Variants in ANK2 observed in about 807,000 individuals in gnomAD.
ANK2 encodes ankyrin-2.
Under a neutral mutation model 360.5 loss-of-function variants are expected in ANK2, and 83 were observed. The ratio of observed to expected loss-of-function variants is 0.23; its 90% CI spans 0.19 to 0.28. ANK2 has a LOEUF of 0.28. Among genes scored for constraint, ANK2 ranks in the 10% least tolerant of loss-of-function variants. The pLI is 1.00. For missense variants in ANK2, 4,201 were observed against 4,795.7 expected, an observed-to-expected ratio of 0.88 and a Z score of 3.66; for synonymous variants, 1,740 against 1,759.5, an observed-to-expected ratio of 0.99 and a Z score of 0.28.
chr4:113,021,628 C>T (rs2058216526), intron 2 of ANK2, among the ~76,000 whole-genome samples: 1 of 146,370 alleles, frequency 6.8e-6, no homozygotes, highest in Non-Finnish European at 1.5e-5. Context: ...CCGACACTGT[C>T]TTTATAAGGA....
chr4:112,885,222 C>T (rs546942368), intron 1 of ANK2, among the ~76,000 whole-genome samples: 10 of 152,234 alleles, frequency 6.6e-5, no homozygotes, highest in East Asian at 1.9e-4. Flanking sequence ...TAAGCAGGGC[C>T]GGGCGTGGTG....
chr4:113,115,419 C>T (rs566708360), intron 1 of ANK2, among the ~76,000 whole-genome samples: 1 of 152,252 alleles, frequency 6.6e-6, no homozygotes, highest in South Asian at 2.1e-4. Context: ...TCCCTTCTCT[C>T]CCTTCCTCTA....
intron 1 of ANK2, among the ~76,000 whole-genome samples, chr4:112,845,383 A>G (rs1463666797): frequency 1.3e-5 from 2 of 151,050 alleles, no homozygotes; most frequent in Non-Finnish European, 2.9e-5. Flanking sequence ...AGGACTAGTT[A>G]TTAAACAACA....
chr4:113,373,047 T>C (rs770794500), intron 43 of ANK2, 43 bp from the exon 44 acceptor site: 1 of 1,515,608 alleles, frequency 6.6e-7, no homozygotes, highest in South Asian at 1.1e-5. Context: ...TCCTCAGAAT[T>C]GGTGCCAAAC....
the ANK2 span, among the ~76,000 whole-genome samples, chr4:112,732,359 A>G: frequency 1.5e-5 from 1 of 67,654 alleles, no homozygotes; most frequent in African/African-American, 8.0e-5. Flanking sequence ...ACTGGGCCCA[A>G]CCAATCCTGT....
chr4:112,828,383 C>T (rs1176962790), intron 1 of ANK2, among the ~76,000 whole-genome samples: 1 of 151,878 alleles, frequency 6.6e-6, no homozygotes, highest in Non-Finnish European at 1.5e-5. Context: ...AAAAGTACCC[C>T]CCACCACGTC....
chr4:113,176,042 G>T (rs958107670), intron 2 of ANK2, among the ~76,000 whole-genome samples: 2 of 152,202 alleles, frequency 1.3e-5, no homozygotes, highest in African/African-American at 4.8e-5. Flanking sequence ...GAGGGATTAG[G>T]CGATATCTCC....
chr4:113,381,770 G>C lies in ANK2; in HGVS notation c.*299G>C. The stretch of plus-strand genomic sequence containing the variant: ...ACATTTCCACTGTTAGCAAATATAC[G>C]GCATTTTGCTTTAGTTTTCCCCCAT... On this transcript the variant is annotated 3_prime_UTR_variant, in exon 46 of 46. Transcript: ENST00000357077. 1 of 1,002,314 alleles carries C rather than the reference G, an allele frequency of 1.0e-6. No individual in the cohort carries two copies. Among genetic ancestry groups the C allele is most frequent in the African/African-American group, 1.6e-5 (1 of 61,888 alleles). 62.1% of individuals were successfully genotyped at this position (1,002,314 alleles called of 1,614,324 possible).
the ANK2 span, among the ~76,000 whole-genome samples, chr4:112,713,732 C>A: frequency 6.6e-6 from 1 of 151,812 alleles, no homozygotes; most frequent in East Asian, 2.0e-4. Flanking sequence ...GAGATCGAGA[C>A]CATCCTGGCT....
intron 2 of ANK2, among the ~76,000 whole-genome samples, chr4:112,942,124 T>A (rs1384191068): frequency 6.6e-6 from 1 of 152,072 alleles, no homozygotes; most frequent in East Asian, 1.9e-4. Context: ...AAATATATTA[T>A]CTACTTCTAG....
At chr4:113,027,098 T>C (rs569990445) in intron 2 of ANK2, among the ~76,000 whole-genome samples, 1 of 152,264 alleles carries the variant, frequency 6.6e-6, no homozygotes, top group East Asian at 1.9e-4. Context: ...AGTTGGATGG[T>C]GATACATCCT....
rs1354567903 is a variant in ANK2 at position 112,847,360 on chromosome 4, A to G, written c.-40+29096A>G. Among the ~76,000 whole-genome samples the G allele has an allele frequency of 2.0e-5, 3 of 152,276 alleles. No homozygotes were observed. The East Asian group carries it at 5.8e-4, about 29-fold the overall frequency. On this transcript the variant is annotated intron_variant, in intron 1 of 30. Transcript: ENST00000503271. ...TCAGTTGTTCGAACTAGAAATCTCA[A>G]TCATTCTTGATTCTTCTTTATATCT...
chr4:112,824,729 C>T (rs1388732401), intron 1 of ANK2, among the ~76,000 whole-genome samples: 1 of 151,782 alleles, frequency 6.6e-6, no homozygotes, highest in African/African-American at 2.4e-5. Context: ...GTCTCAAATT[C>T]CTGACCAGGT....
chr4:112,855,039 G>A (rs1024348144), intron 1 of ANK2, among the ~76,000 whole-genome samples: 7 of 152,276 alleles, frequency 4.6e-5, no homozygotes, highest in Non-Finnish European at 8.8e-5. Context: ...TGCAATATTA[G>A]CATCCTAATA....
intron 2 of ANK2, among the ~76,000 whole-genome samples, chr4:112,971,299 G>A (rs769779800): frequency 2.0e-4 from 30 of 152,132 alleles, no homozygotes; most frequent in African/African-American, 6.5e-4. Flanking sequence ...GACTTTATTC[G>A]CATTTCTACT....
intron 1 of ANK2, among the ~76,000 whole-genome samples, chr4:112,864,642 T>G (rs550183354): frequency 9.9e-5 from 15 of 151,820 alleles, no homozygotes; most frequent in African/African-American, 3.6e-4. Context: ...TAAAAAAACG[T>G]TTACTTGGTC....
At chr4:113,164,183 G>A (rs1236478145) in intron 1 of ANK2, among the ~76,000 whole-genome samples, 1 of 152,120 alleles carries the variant, frequency 6.6e-6, no homozygotes, top group Non-Finnish European at 1.5e-5. Flanking sequence ...GAGATATTTA[G>A]GCAAGTAGAG....
intron 2 of ANK2, among the ~76,000 whole-genome samples, chr4:112,955,723 G>T (rs867299395): frequency 1.3e-5 from 2 of 152,200 alleles, no homozygotes; most frequent in Middle Eastern, 3.4e-3. Context: ...AAAATGTTAT[G>T]CATATAATTA....
the ANK2 span, among the ~76,000 whole-genome samples, chr4:112,744,883 C>T: frequency 6.6e-6 from 1 of 152,226 alleles, no homozygotes; most frequent in African/African-American, 2.4e-5. Context: ...ATGTCTTCAT[C>T]TGTCATCAGG....
Sources: allele counts gnomAD v4.1 joint callset (sites outside exome capture counted in the v4.1 genomes callset), GRCh38; gene constraint gnomAD v4.1.1; transcripts MANE v1.5; gene names NCBI Gene and HGNC (gene_info 2026-07-23, HGNC 2026-07-21).